Variants in CSTPP1 observed in about 807,000 individuals in gnomAD.
CSTPP1 encodes the protein centriolar satellite-associated tubulin polyglutamylase complex regulator 1, also known as UPF0705 protein C11orf49.
the CSTPP1 span, among the ~76,000 whole-genome samples, chr11:46,966,247 T>G: frequency 2.0e-4 from 30 of 152,156 alleles, no homozygotes; most frequent in Non-Finnish European, 4.3e-4. Flanking sequence ...TTCACCATGT[T>G]GGCCAGGATG....
the CSTPP1 span, chr11:47,162,221 G>A: frequency 3.0e-6 from 3 of 985,440 alleles, no homozygotes; most frequent in Non-Finnish European, 3.6e-6. Flanking sequence ...CATGTGAAAC[G>A]AATAAAAAGT....
At chr11:47,038,530 C>A in the CSTPP1 span, among the ~76,000 whole-genome samples, 1 of 97,442 alleles carries the variant, frequency 1.0e-5, no homozygotes, top group African/African-American at 3.0e-5. Flanking sequence ...TAGGGGCGGC[C>A]GGGCAGAGGC....
the CSTPP1 span, among the ~76,000 whole-genome samples, chr11:46,991,803 C>T: frequency 3.3e-3 from 500 of 152,268 alleles, 7 homozygotes; most frequent in African/African-American, 0.012. Flanking sequence ...TGCAGTGGTG[C>T]AATCTTGGCT....
chr11:47,101,197 T>TTTG, the CSTPP1 span, among the ~76,000 whole-genome samples: 1 of 136,820 alleles, frequency 7.3e-6, no homozygotes, highest in Non-Finnish European at 1.6e-5. Context: ...TTTATTTTAT[T>TTTG]TTTAGTAGAG....
the CSTPP1 span, among the ~76,000 whole-genome samples, chr11:47,144,183 T>TCTCAAAAAAAAAAAAGCAAGAGGAG: frequency 6.6e-6 from 1 of 152,276 alleles, no homozygotes; most frequent in Admixed American, 6.5e-5. Flanking sequence ...ATTGTAGACA[T>TCTCAAAAAAAAAAAAGCAAGAGGAG]TAAATCAGTA....
the CSTPP1 span, among the ~76,000 whole-genome samples, chr11:46,952,585 T>C: frequency 6.6e-6 from 1 of 152,228 alleles, no homozygotes; most frequent in Non-Finnish European, 1.5e-5. Context: ...ATAGATGTGC[T>C]GGTCAGTATT....
chr11:46,997,687 T>C, the CSTPP1 span, among the ~76,000 whole-genome samples: 1 of 152,226 alleles, frequency 6.6e-6, no homozygotes, highest in Non-Finnish European at 1.5e-5. Context: ...CCCATCTTTG[T>C]GGTTTTATCT....
chr11:47,144,308 C>T, the CSTPP1 span, among the ~76,000 whole-genome samples: 1 of 152,082 alleles, frequency 6.6e-6, no homozygotes, highest in African/African-American at 2.4e-5. Flanking sequence ...TGTGCCTCAG[C>T]CTCCCAAGTA....
At chr11:47,153,036 G>A in the CSTPP1 span, among the ~76,000 whole-genome samples, 4 of 152,182 alleles carry the variant, frequency 2.6e-5, no homozygotes, top group Non-Finnish European at 5.9e-5. Flanking sequence ...AGCGCTCCCG[G>A]GGGAGCTCAC....
At chr11:47,018,158 C>G in the CSTPP1 span, among the ~76,000 whole-genome samples, 2 of 152,218 alleles carry the variant, frequency 1.3e-5, no homozygotes, top group African/African-American at 4.8e-5. Flanking sequence ...GGGTTTCCCC[C>G]AATTGGCAAT....
chr11:47,001,478 GAA>G, the CSTPP1 span, among the ~76,000 whole-genome samples: 1 of 150,156 alleles, frequency 6.7e-6, no homozygotes, highest in African/African-American at 2.4e-5. Flanking sequence ...CATCCTTGGA[GAA>G]AAAAAGAGAT....
chr11:47,125,880 G>A, the CSTPP1 span, among the ~76,000 whole-genome samples: 3 of 152,112 alleles, frequency 2.0e-5, no homozygotes, highest in Admixed American at 6.5e-5. Flanking sequence ...AGCCGGGCAC[G>A]GTGGCACGTG....
the CSTPP1 span, among the ~76,000 whole-genome samples, chr11:47,141,460 A>C: frequency 6.6e-6 from 1 of 151,912 alleles, no homozygotes; most frequent in Non-Finnish European, 1.5e-5. Context: ...ACAAAAACTT[A>C]GCCAGGCGTG....
the CSTPP1 span, among the ~76,000 whole-genome samples, chr11:47,148,910 G>A: frequency 4.6e-5 from 7 of 152,138 alleles, no homozygotes; most frequent in East Asian, 3.9e-4. Context: ...CAGGAAAACC[G>A]GTGCAGCCCG....
the CSTPP1 span, among the ~76,000 whole-genome samples, chr11:46,966,314 T>C: frequency 6.6e-6 from 1 of 152,326 alleles, no homozygotes; most frequent in East Asian, 1.9e-4. Flanking sequence ...GTGTTGGGAT[T>C]ACAGGCGTGA....
At chr11:47,045,130 G>A in the CSTPP1 span, among the ~76,000 whole-genome samples, 1 of 152,158 alleles carries the variant, frequency 6.6e-6, no homozygotes, top group Non-Finnish European at 1.5e-5. Context: ...TGATAGGTGC[G>A]AGGTGACAAC....
chr11:47,083,042 A>C, the CSTPP1 span, among the ~76,000 whole-genome samples: 36 of 124,464 alleles, frequency 2.9e-4, no homozygotes, highest in African/African-American at 3.7e-4. Flanking sequence ...CCCCGACCTC[A>C]CCCCCCAACA....
chr11:47,142,203 A>C, the CSTPP1 span, among the ~76,000 whole-genome samples: 45 of 150,368 alleles, frequency 3.0e-4, 1 homozygote, highest in Admixed American at 1.1e-3. Context: ...AGATCGCGCC[A>C]CTGCACTCCA....
chr11:47,104,081 T>G, the CSTPP1 span, among the ~76,000 whole-genome samples: 98,914 of 151,992 alleles, frequency 0.65, 32,614 homozygotes, highest in Middle Eastern at 0.7. Flanking sequence ...AGAGATTATT[T>G]CTCCCTACTT....
Sources: allele counts gnomAD v4.1 joint callset (sites outside exome capture counted in the v4.1 genomes callset), GRCh38; gene constraint gnomAD v4.1.1; transcripts MANE v1.5; gene names NCBI Gene and HGNC (gene_info 2026-07-23, HGNC 2026-07-21).